The following PPP4R3B variants were observed in gnomAD, a reference collection of about 807,000 sequenced individuals.
The protein encoded by PPP4R3B is protein phosphatase 4 regulatory subunit 3B.
PPP4R3B carries 52 observed loss-of-function variants against 95.4 expected under a neutral mutation model. That is an observed-to-expected ratio of 0.54 (90% CI 0.44 to 0.69). PPP4R3B has a LOEUF of 0.69. Ranked by LOEUF, PPP4R3B falls within the 30% of genes least tolerant of loss-of-function variation. PPP4R3B has a pLI of 0.00. For synonymous variants in PPP4R3B, 407 were observed against 343.9 expected, an observed-to-expected ratio of 1.18 and a Z score of -2.03; for missense variants, 1,003 against 1,005.9, an observed-to-expected ratio of 1.00 and a Z score of 0.04.
chr2:55,581,696 A>T lies in PPP4R3B; in HGVS notation c.1236T>A (p.Asp412Glu). Reference protein sequence around the residue: ...VMQEAQQSDDDILLINVVIEQ... With the variant: ...VMQEAQQSDDEILLINVVIEQ... The stretch of plus-strand genomic sequence containing the variant: ...CAATTACCACATTAATAAGAAGAAT[A>T]TCCTGGTGGCAAAACAAAACAAAAC... Residue 412 changes from aspartate (D) to glutamate (E), a missense_variant and splice_region_variant, in exon 8 of 17, where the codon GAT (aspartate) becomes GAA (glutamate). This residue lies in a region of PPP4R3B where 695 missense variants were observed against 686.2 expected (regional missense o/e 1.01). Transcript: ENST00000616407. 6.2e-7 allele frequency: 1 copy of T among 1,611,762 alleles called. No homozygotes were observed. The highest frequency in any genetic ancestry group is 8.5e-7 in the Non-Finnish European group (1 of 1,179,318).
At chr2:55,594,338 G>A (rs1446131940) in intron 4 of PPP4R3B, among the ~76,000 whole-genome samples, 4 of 150,684 alleles carry the variant, frequency 2.7e-5, no homozygotes, top group Non-Finnish European at 5.9e-5. Context: ...ATCATTGCTG[G>A]CACATAAGAG....
rs754675147 is a variant in PPP4R3B at position 55,568,278 on chromosome 2, T to A, written c.1851A>T (p.Pro617=). The A allele has an allele frequency of 6.2e-7, 1 of 1,611,314 alleles. No individual in the cohort carries two copies. The highest frequency in any genetic ancestry group is 2.2e-5 in the East Asian group (1 of 44,690). Residue 617 remains proline (P), a synonymous_variant, in exon 13 of 17, where the codon CCA becomes CCT. Transcript: ENST00000616407. ...RYITKGNLFE[P]VINALLDNGT... ...CATTATCCAGAAGTGCATTTATAAC[T>A]GGCTCAAAAAGATTTCCCTTGGTGA...
At chr2:55,569,804 CTT>C (rs1285735953) in intron 12 of PPP4R3B, among the ~76,000 whole-genome samples, 3 of 152,126 alleles carry the variant, frequency 2.0e-5, no homozygotes, top group Admixed American at 6.5e-5. Context: ...TCTTTTATCT[CTT>C]TGTCTTGTGT....
intron 15 of PPP4R3B, among the ~76,000 whole-genome samples, chr2:55,563,613 A>C (rs1303308227): frequency 6.6e-6 from 1 of 152,092 alleles, no homozygotes; most frequent in Non-Finnish European, 1.5e-5. Flanking sequence ...GGCTCAAATG[A>C]TCCACCTGCC....
At chr2:55,581,407 C>T (rs935342880) in intron 8 of PPP4R3B, among the ~76,000 whole-genome samples, 160 bp downstream of exon 8, 6 of 152,170 alleles carry the variant, frequency 3.9e-5, no homozygotes, top group African/African-American at 1.4e-4. Flanking sequence ...TGACGGATTA[C>T]AATTTTGTAT....
rs188037180 is a variant in PPP4R3B at position 55,609,593 on chromosome 2, A to G, written c.199-5517T>C. Among the ~76,000 whole-genome samples the G allele has an allele frequency of 2.1e-3, 320 of 151,696 alleles. 1 individual carries two copies. Among genetic ancestry groups the G allele is most frequent in the African/African-American group, 7.7e-3 (318 of 41,354 alleles). On this transcript the variant is annotated intron_variant, in intron 2 of 16. Coordinates refer to ENST00000616407, the MANE Select transcript of PPP4R3B (RefSeq NM_001122964.3). ...GAGGCTGAGGTGGGAGCCTGAGCGC[A>G]GGAAGTTAAAGCTGCAGTAAGCCAT...
At chr2:55,586,417 T>C (rs1438547839) in intron 6 of PPP4R3B, among the ~76,000 whole-genome samples, 2 of 152,118 alleles carry the variant, frequency 1.3e-5, no homozygotes, top group African/African-American at 4.8e-5. Flanking sequence ...TTTTATTCAC[T>C]TGAAAGCACA....
Position 55,598,904 on chromosome 2 carries a change from T to A in PPP4R3B, c.433A>T (p.Ile145Phe). The change falls in exon 4 of 17, where the codon ATT becomes TTT. Residue 145 changes from isoleucine to phenylalanine, a missense_variant. Around this residue, in one of 3 missense-constraint regions of PPP4R3B, gnomAD observed 695 missense variants for 686.2 expected, o/e 1.01. Coordinates refer to ENST00000616407, the MANE Select transcript of PPP4R3B (RefSeq NM_001122964.3). ...AGCACTGAGGTAACTAAGTCAGCAA[T>A]CTCTTCAAGTTTATTGAGTTCACAT... The part of the protein sequence containing the change: ...PTCELNKLEE[I>F]ADLVTSVLSS... 1 of 1,614,160 alleles carries A rather than the reference T, an allele frequency of 6.2e-7. No individual in the cohort carries two copies. Among genetic ancestry groups the A allele is most frequent in the Non-Finnish European group, 8.5e-7 (1 of 1,180,032 alleles).
chr2:55,592,747 C>A (rs1273439303), intron 4 of PPP4R3B, among the ~76,000 whole-genome samples: 1 of 152,186 alleles, frequency 6.6e-6, no homozygotes, highest in Non-Finnish European at 1.5e-5. Context: ...AAAATGTCAA[C>A]ATTTGAGATT....
chr2:55,558,765 T>TTTGG lies in PPP4R3B; in HGVS notation c.2454+9_2454+10insCCAA. On this transcript the variant is annotated intron_variant, in intron 16 of 16. Transcript: ENST00000616407. ...AAAGCAAAGTTTGTGTGTAATGCTG[T>TTTGG]TTCACCTACCTTGGTGGCTGTTACT... 6.3e-7 allele frequency: 1 copy of TTTGG among 1,578,732 alleles called. No individual in the cohort carries two copies. Among genetic ancestry groups the TTTGG allele is most frequent in the South Asian group, 1.2e-5 (1 of 86,314 alleles).
intron 3 of PPP4R3B, among the ~76,000 whole-genome samples, chr2:55,599,844 C>A (rs1034583441): frequency 7.2e-5 from 11 of 152,174 alleles, no homozygotes; most frequent in Admixed American, 6.5e-5. Flanking sequence ...GAATAAAAAG[C>A]CCATCAGTAC....
chr2:55,574,356 A>G (rs1335005940), intron 11 of PPP4R3B, among the ~76,000 whole-genome samples: 4 of 151,926 alleles, frequency 2.6e-5, no homozygotes, highest in African/African-American at 9.7e-5. Flanking sequence ...ATATATGAAC[A>G]TGATAATAAT....
intron 16 of PPP4R3B, among the ~76,000 whole-genome samples, chr2:55,553,305 T>C (rs1685456275): frequency 3.3e-5 from 5 of 152,174 alleles, no homozygotes; most frequent in Non-Finnish European, 5.9e-5. Flanking sequence ...CAACCATTCT[T>C]ATACTTACAA....
intron 2 of PPP4R3B, among the ~76,000 whole-genome samples, chr2:55,612,005 T>C (rs903204375): frequency 2.6e-5 from 4 of 152,200 alleles, no homozygotes; most frequent in Admixed American, 1.3e-4. Flanking sequence ...AGTGCTGAGA[T>C]TGCAGGTGTG....
intron 6 of PPP4R3B, 141 bp from the exon 7 acceptor site, chr2:55,585,308 C>T (rs997568006): frequency 7.9e-6 from 4 of 506,428 alleles, no homozygotes; most frequent in Non-Finnish European, 1.0e-5. Context: ...TATAACCTTG[C>T]CAGTATGTTC....
At position 55,563,169 on chromosome 2, in the gene PPP4R3B, A is replaced by G. The variant is rs537786080; in HGVS notation, c.2260+1144T>C. On this transcript the variant is annotated intron_variant, in intron 15 of 16. Coordinates refer to ENST00000616407, the MANE Select transcript of PPP4R3B (RefSeq NM_001122964.3). Reference sequence around the variant, plus strand: ...CTAGCAAAGGTACCGATTTCTTAGGATATTTTAATAAGCTTTTTGCTCCGC... The same window carrying G: ...CTAGCAAAGGTACCGATTTCTTAGGGTATTTTAATAAGCTTTTTGCTCCGC... 4.6e-5 allele frequency among the ~76,000 whole-genome samples: 7 copies of G among 152,356 alleles called. 1 individual carries two copies. Among genetic ancestry groups the G allele is most frequent in the Admixed American group, 3.9e-4 (6 of 15,296 alleles).
In PPP4R3B at chr2:55,612,038, A is replaced by G. The variant is rs1169059505; in HGVS notation, c.198+3413T>C. On this transcript the variant is annotated intron_variant, in intron 2 of 16. Coordinates refer to ENST00000616407, the MANE Select transcript of PPP4R3B (RefSeq NM_001122964.3). ...GTGAGCCACCATGCCTGCCATAGTC[A>G]ACATATTTTAATACAGCAAAATGGC... Among the ~76,000 whole-genome samples the G allele has an allele frequency of 5.9e-5, 9 of 152,254 alleles. No individual in the cohort carries two copies. The East Asian group carries it at 1.7e-3, about 29-fold the overall frequency.
chr2:55,583,684 G>T (rs954677054), intron 7 of PPP4R3B, among the ~76,000 whole-genome samples: 9 of 152,116 alleles, frequency 5.9e-5, no homozygotes, highest in African/African-American at 1.9e-4. Flanking sequence ...AATAAAGTAG[G>T]CATTTCTCTT....
At chr2:55,565,467 C>T (rs542234141) in intron 13 of PPP4R3B, among the ~76,000 whole-genome samples, 2 of 151,976 alleles carry the variant, frequency 1.3e-5, no homozygotes, top group East Asian at 3.9e-4. Flanking sequence ...ATGGTTTGAT[C>T]CAGAGCACAC....
Sources: allele counts gnomAD v4.1 joint callset (sites outside exome capture counted in the v4.1 genomes callset), GRCh38; gene constraint gnomAD v4.1.1; regional missense constraint gnomAD v4.1.1; transcripts MANE v1.5; gene names NCBI Gene and HGNC (gene_info 2026-07-23, HGNC 2026-07-21).